The following PRRG1 variants were observed in gnomAD, a reference collection of about 807,000 sequenced individuals.
The protein encoded by PRRG1 is proline rich and Gla domain 1, also known as transmembrane gamma-carboxyglutamic acid protein 1.
A neutral mutation model predicts 11.8 loss-of-function variants in PRRG1; 5 were observed. The ratio of observed to expected loss-of-function variants is 0.42; its 90% CI spans 0.22 to 0.89. The LOEUF (loss-of-function observed/expected upper bound fraction) is 0.89. Among genes scored for constraint, PRRG1 ranks in the 40% least tolerant of loss-of-function variants. The pLI is 0.28. For missense variants in PRRG1, 155 were observed against 166.1 expected, an observed-to-expected ratio of 0.93 and a Z score of 0.37; for synonymous variants, 66 against 60.4, an observed-to-expected ratio of 1.09 and a Z score of -0.43.
Position 37,368,926 on chromosome X carries a change from T to C in PRRG1, c.-42+19531T>C, listed in dbSNP as rs1343897115. Among the ~76,000 whole-genome samples the C allele has an allele frequency of 3.6e-5, 4 of 111,648 alleles. No homozygotes were observed. The Admixed American group carries it at 3.8e-4, about 11-fold the overall frequency. ...TAATAATGTGCTACTTCAAGTAAAATATGGAAATCTTACAAATTTCCAGGC... is the reference window on the plus strand; with the variant it reads ...TAATAATGTGCTACTTCAAGTAAAACATGGAAATCTTACAAATTTCCAGGC... On this transcript the variant is annotated intron_variant, in intron 1 of 3. Coordinates refer to ENST00000378628, the MANE Select transcript of PRRG1 (RefSeq NM_001142395.2).
At chrX:37,420,836 T>C (rs782570849) in intron 2 of PRRG1, among the ~76,000 whole-genome samples, 1 of 110,638 alleles carries the variant, frequency 9.0e-6, no homozygotes, top group South Asian at 3.9e-4. Flanking sequence ...CACTCTAGCC[T>C]GGGCTACAGA....
At chrX:37,356,775 A>T (rs1295590124) in intron 1 of PRRG1, among the ~76,000 whole-genome samples, 1 of 111,113 alleles carries the variant, frequency 9.0e-6, no homozygotes, top group Non-Finnish European at 1.9e-5. Context: ...TGTTAGGTTC[A>T]TGGAAAAATT....
At chrX:37,392,155 A>C (rs1413044855) in intron 1 of PRRG1, among the ~76,000 whole-genome samples, 4 of 112,007 alleles carry the variant, frequency 3.6e-5, no homozygotes, top group African/African-American at 1.3e-4. Context: ...TTTATGATAC[A>C]TGAAAACTAT....
chrX:37,419,463 AT>A (rs1556386277), intron 2 of PRRG1, among the ~76,000 whole-genome samples: 1 of 112,258 alleles, frequency 8.9e-6, no homozygotes. Flanking sequence ...ATCTCATGAT[AT>A]CCCCAAAATA....
At chrX:37,400,171 G>C (rs1432993480) in intron 1 of PRRG1, among the ~76,000 whole-genome samples, 3 of 111,478 alleles carry the variant, frequency 2.7e-5, no homozygotes, top group Non-Finnish European at 5.6e-5. Context: ...CAAATCAACA[G>C]AATATACATT....
At chrX:37,410,721 A>G (rs141265936) in intron 2 of PRRG1, among the ~76,000 whole-genome samples, 1,808 of 112,350 alleles carry the variant, frequency 0.016, 18 homozygotes, top group Non-Finnish European at 0.025. Context: ...GTAGATAACA[A>G]AACAACTCAG....
chrX:37,402,964 A>G (rs1261489304), intron 1 of PRRG1, among the ~76,000 whole-genome samples: 3 of 111,588 alleles, frequency 2.7e-5, no homozygotes, highest in Admixed American at 1.9e-4. Context: ...GGCAATCATT[A>G]AAAAGTCAGG....
intron 3 of PRRG1, among the ~76,000 whole-genome samples, chrX:37,439,946 C>T (rs1023482210): frequency 2.8e-5 from 3 of 108,945 alleles, no homozygotes; most frequent in Non-Finnish European, 5.7e-5. Context: ...ACTACATGTG[C>T]CTGCCACCAT....
At position 37,453,466 on chromosome X, in the gene PRRG1, C is replaced by T. The variant is rs781900371; in HGVS notation, c.502C>T (p.Pro168Ser). 4.1e-6 allele frequency: 5 copies of T among 1,209,760 alleles called. No individual in the cohort carries two copies. Among genetic ancestry groups the T allele is most frequent in the South Asian group, 1.8e-5 (1 of 56,817 alleles). Residue 168 changes from proline (P) to serine (S), a missense_variant, in exon 4 of 4, where the codon CCC becomes TCC. By Grantham distance (74) the Pro-to-Ser change is moderately conservative. Coordinates refer to ENST00000378628, the MANE Select transcript of PRRG1 (RefSeq NM_001142395.2). Reference protein sequence around the residue: ...SVSTRLSNCDPPPTYEEATGQ... With the variant: ...SVSTRLSNCDSPPTYEEATGQ... The stretch of plus-strand genomic sequence containing the variant: ...CTCTACTCGCCTGTCCAATTGTGAT[C>T]CCCCGCCAACCTATGAGGAAGCCAC...
intron 1 of PRRG1, among the ~76,000 whole-genome samples, chrX:37,359,999 C>T (rs1556367198): frequency 9.0e-6 from 1 of 110,876 alleles, no homozygotes; most frequent in Non-Finnish European, 1.9e-5. Flanking sequence ...GTAGTGATGT[C>T]CTTTCTTTCA....
intron 3 of PRRG1, among the ~76,000 whole-genome samples, chrX:37,443,381 C>A (rs1297797717): frequency 9.0e-6 from 1 of 111,211 alleles, no homozygotes; most frequent in African/African-American, 3.3e-5. Context: ...CAAATGGAAA[C>A]GTGAATCAAG....
At position 37,456,881 on chromosome X, in the gene PRRG1, C is replaced by T. The variant is rs781986630; in HGVS notation, c.*3260C>T. 7 of 112,231 alleles carry T rather than the reference C, an allele frequency of 6.2e-5. No individual in the cohort carries two copies. Among genetic ancestry groups the T allele is most frequent in the Non-Finnish European group, 1.3e-4 (7 of 53,226 alleles). 9.2% of individuals were successfully genotyped at this position (112,231 alleles called of 1,213,427 possible). A position where few individuals can be genotyped will look rare whatever the true frequency, so the allele number is the denominator to read the frequency against. ...TTGCATTTAAATAAAAGAACAGGCT[C>T]AGTGGTCTTCCTGTAGAATGGTTTA... On this transcript the variant is annotated 3_prime_UTR_variant, in exon 4 of 4. Coordinates refer to ENST00000378628, the MANE Select transcript of PRRG1 (RefSeq NM_001142395.2).
chrX:37,349,969 A>T (rs1292127686), intron 1 of PRRG1, among the ~76,000 whole-genome samples: 1 of 103,380 alleles, frequency 9.7e-6, no homozygotes, highest in Non-Finnish European at 2.0e-5. Context: ...AAAGGCTATG[A>T]CTGTTTTGTA....
At chrX:37,385,011 G>T (rs2146546525) in intron 1 of PRRG1, among the ~76,000 whole-genome samples, 1 of 111,736 alleles carries the variant, frequency 8.9e-6, no homozygotes, top group South Asian at 3.8e-4. Flanking sequence ...AACAGAAACA[G>T]ATACATAGTT....
intron 1 of PRRG1, among the ~76,000 whole-genome samples, chrX:37,362,464 T>A (rs782701362): frequency 2.7e-5 from 3 of 110,832 alleles, no homozygotes; most frequent in South Asian, 7.8e-4. Context: ...CCACAGATAT[T>A]GAAAGCTTCC....
At chrX:37,448,300 G>A (rs1185756748) in intron 3 of PRRG1, among the ~76,000 whole-genome samples, 1 of 111,267 alleles carries the variant, frequency 9.0e-6, no homozygotes, top group Non-Finnish European at 1.9e-5. Flanking sequence ...GTTACACCCT[G>A]TGTAAATGAA....
At chrX:37,449,507 T>G (rs1921039322) in intron 3 of PRRG1, among the ~76,000 whole-genome samples, 1 of 112,361 alleles carries the variant, frequency 8.9e-6, no homozygotes. Context: ...AAATATTCTT[T>G]GTAAGAATCT....
chrX:37,351,505 AAAAG>A lies in PRRG1; in HGVS notation c.-42+2126_-42+2129del, dbSNP rs1296426406. On this transcript the variant is annotated intron_variant, in intron 1 of 3. Coordinates refer to ENST00000378628, the MANE Select transcript of PRRG1 (RefSeq NM_001142395.2). ...GCGAGACTCCGTCTCAAAAAAAAAA[AAAAG>A]AAAGAAAGAAAGAAAAAAAAGATAG... is the stretch of plus-strand genomic sequence containing the variant. Among the ~76,000 whole-genome samples the A allele has an allele frequency of 3.4e-4, 38 of 111,574 alleles. No individual in the cohort carries two copies. In the South Asian group the frequency reaches 8.9e-3, roughly 26 times the overall value.
intron 1 of PRRG1, among the ~76,000 whole-genome samples, chrX:37,398,010 A>ACT (rs1197498202): frequency 1.4e-4 from 13 of 89,926 alleles, no homozygotes; most frequent in Non-Finnish European, 2.5e-4. Context: ...ACACACACAC[A>ACT]CACACATACA....
Sources: allele counts gnomAD v4.1 joint callset (sites outside exome capture counted in the v4.1 genomes callset), GRCh38; gene constraint gnomAD v4.1.1; transcripts MANE v1.5; gene names NCBI Gene and HGNC (gene_info 2026-07-23, HGNC 2026-07-21).